BICDL1: variants seen among roughly 807,000 people sequenced by gnomAD.
BICDL1 encodes the protein BICD family-like cargo adapter 1.
BICDL1 carries 20 observed loss-of-function variants against 76.8 expected under a neutral mutation model. That is an observed-to-expected ratio of 0.26 (90% CI 0.18 to 0.38). BICDL1 has a LOEUF of 0.38. Ranked by LOEUF, BICDL1 falls within the 10% of genes least tolerant of loss-of-function variation. The probability of loss-of-function intolerance (pLI) is 1.00; values close to 1 mark genes in which losing one functional copy is unlikely to be tolerated. For missense variants in BICDL1, 700 were observed against 798.6 expected (o/e 0.88, Z 1.49); for synonymous variants, 383 against 337.1 (o/e 1.14, Z -1.49).
intron 2 of BICDL1, among the ~76,000 whole-genome samples, chr12:120,003,609 C>G (rs574562424): frequency 9.9e-5 from 15 of 152,276 alleles, no homozygotes; most frequent in African/African-American, 3.6e-4. Context: ...GACTCACTTG[C>G]CTAGACACCT....
intron 2 of BICDL1, among the ~76,000 whole-genome samples, chr12:120,057,818 CTTTTTTTTTTTTTTTT>C (rs143777152): frequency 3.8e-5 from 3 of 78,324 alleles, no homozygotes; most frequent in Non-Finnish European, 6.7e-5. Flanking sequence ...GCGATTCCTG[CTTTTTTTTTTTTTTTT>C]TTTTTTTTTT....
At chr12:120,049,534 C>T (rs946558013) in intron 2 of BICDL1, among the ~76,000 whole-genome samples, 9 of 152,096 alleles carry the variant, frequency 5.9e-5, no homozygotes, top group African/African-American at 2.2e-4. Context: ...CTTAGTCTGG[C>T]GCTCTGCAGT....
intron 2 of BICDL1, among the ~76,000 whole-genome samples, chr12:120,060,281 G>A (rs1953076196): frequency 6.6e-6 from 1 of 152,188 alleles, no homozygotes. Context: ...GAATACGAAG[G>A]AGAAATAATA....
chr12:120,042,030 G>A (rs1289011807), intron 2 of BICDL1, among the ~76,000 whole-genome samples: 1 of 151,994 alleles, frequency 6.6e-6, no homozygotes, highest in Non-Finnish European at 1.5e-5. Flanking sequence ...GCTGTAGGAG[G>A]GCAAGGGTAG....
At chr12:120,028,368 T>C (rs1256934919) in intron 2 of BICDL1, among the ~76,000 whole-genome samples, 1 of 149,950 alleles carries the variant, frequency 6.7e-6, no homozygotes, top group Non-Finnish European at 1.5e-5. Context: ...CAAGAATTGG[T>C]TTCCAAAAAA....
chr12:120,020,163 A>G (rs2138707110), intron 2 of BICDL1, among the ~76,000 whole-genome samples: 1 of 151,132 alleles, frequency 6.6e-6, no homozygotes, highest in East Asian at 2.0e-4. Flanking sequence ...CAGGTCTGAA[A>G]CAGGAACTTG....
At chr12:120,041,420 A>G (rs1407861028) in intron 2 of BICDL1, among the ~76,000 whole-genome samples, 1 of 152,156 alleles carries the variant, frequency 6.6e-6, no homozygotes, top group Admixed American at 6.5e-5. Flanking sequence ...TAATATAGAC[A>G]TGTTTTCCCT....
chr12:120,075,539 T>G (rs1472987462), intron 7 of BICDL1, among the ~76,000 whole-genome samples: 1 of 152,102 alleles, frequency 6.6e-6, no homozygotes, highest in Admixed American at 6.5e-5. Flanking sequence ...ACTACAGGCG[T>G]ACGCCACCAT....
At chr12:120,088,426 G>A (rs923163632) in intron 8 of BICDL1, among the ~76,000 whole-genome samples, 4 of 151,946 alleles carry the variant, frequency 2.6e-5, no homozygotes, top group Middle Eastern at 3.4e-3. Context: ...GCACAATCTG[G>A]GCTCACTGCA....
At chr12:119,992,720 A>G (rs931907314) in intron 1 of BICDL1, 1 of 152,184 alleles carries the variant, frequency 6.6e-6, no homozygotes, top group Non-Finnish European at 1.5e-5. Context: ...TGGGAGTATA[A>G]AACCAGTACT....
intron 1 of BICDL1, among the ~76,000 whole-genome samples, chr12:119,993,572 T>C (rs1951572950): frequency 6.6e-6 from 1 of 152,122 alleles, no homozygotes; most frequent in East Asian, 1.9e-4. Context: ...TTGAATTGAC[T>C]CTGTATTTTG....
chr12:120,045,551 A>T (rs1037959125), intron 2 of BICDL1, among the ~76,000 whole-genome samples: 3 of 152,142 alleles, frequency 2.0e-5, no homozygotes, highest in Admixed American at 2.0e-4. Context: ...TGGATTAAGA[A>T]AATGTGGCAC....
At chr12:119,993,871 C>G (rs1443737068) in intron 1 of BICDL1, among the ~76,000 whole-genome samples, 1 of 152,212 alleles carries the variant, frequency 6.6e-6, no homozygotes, top group Non-Finnish European at 1.5e-5. Context: ...CCGCCTCAGC[C>G]TCCCAAAGTG....
chr12:120,029,893 C>T (rs1356128610), intron 2 of BICDL1, among the ~76,000 whole-genome samples: 3 of 152,156 alleles, frequency 2.0e-5, no homozygotes, highest in Non-Finnish European at 2.9e-5. Context: ...GTGATCTGCT[C>T]GCCTTGGCCT....
chr12:119,997,794 G>A (rs955642112), intron 1 of BICDL1, among the ~76,000 whole-genome samples: 1 of 151,986 alleles, frequency 6.6e-6, no homozygotes, highest in South Asian at 2.1e-4. Flanking sequence ...TGGATAATAG[G>A]TGACTCCAAA....
intron 2 of BICDL1, among the ~76,000 whole-genome samples, chr12:120,010,344 C>T (rs370978352): frequency 3.3e-5 from 5 of 152,308 alleles, no homozygotes; most frequent in Middle Eastern, 6.8e-3. Context: ...CCTCCAATTT[C>T]AAATTATTTT....
intron 9 of BICDL1, chr12:120,091,016 T>TG: frequency 7.8e-7 from 1 of 1,289,098 alleles, no homozygotes; most frequent in Middle Eastern, 2.1e-4. Context: ...CTCCTGCCTT[T>TG]GAGGTGAGCC....
chr12:119,998,114 T>C (rs189181336), intron 1 of BICDL1, among the ~76,000 whole-genome samples: 98 of 151,912 alleles, frequency 6.5e-4, no homozygotes, highest in African/African-American at 2.2e-3. Flanking sequence ...ACCACTGCAC[T>C]CCAGCCTGGG....
At chr12:120,091,763 CAG>C (rs1328062777) in intron 9 of BICDL1, 2 of 985,336 alleles carry the variant, frequency 2.0e-6, no homozygotes, top group African/African-American at 3.5e-5. Flanking sequence ...CTGAAACCTG[CAG>C]AGATATTAGA....
Sources: gnomAD v4.1 joint callset for allele counts (sites outside exome capture counted in the v4.1 genomes callset) on GRCh38, gnomAD v4.1.1 for gene constraint, MANE v1.5 for transcripts, NCBI Gene and HGNC (gene_info 2026-07-23, HGNC 2026-07-21) for gene names.